The following RFX3 variants were observed in gnomAD, a reference collection of about 807,000 sequenced individuals.
The protein encoded by RFX3 is regulatory factor X3, also known as transcription factor RFX3.
RFX3 carries 14 observed loss-of-function variants against 98.6 expected under a neutral mutation model. The observed-to-expected ratio is 0.14, with a 90% confidence interval of 0.09 to 0.22. The LOEUF is 0.22. RFX3 is among the 10% of genes least tolerant of loss of function. The pLI is 1.00. For synonymous variants in RFX3, 383 were observed against 328.4 expected, an observed-to-expected ratio of 1.17 and a Z score of -1.80; for missense variants, 639 against 926.9, an observed-to-expected ratio of 0.69 and a Z score of 4.03.
intron 1 of RFX3, among the ~76,000 whole-genome samples, chr9:3,429,437 A>G (rs2132504709): frequency 6.6e-6 from 1 of 150,382 alleles, no homozygotes; most frequent in East Asian, 1.9e-4. Flanking sequence ...ATAATATAAT[A>G]TAATTGTGTG....
chr9:3,454,279 T>C (rs942556787), intron 1 of RFX3, among the ~76,000 whole-genome samples: 5 of 152,186 alleles, frequency 3.3e-5, no homozygotes, highest in Non-Finnish European at 5.9e-5. Flanking sequence ...AACACATACA[T>C]ATACACAGGC....
At chr9:3,414,258 T>C (rs1842695613) in intron 1 of RFX3, among the ~76,000 whole-genome samples, 1 of 152,136 alleles carries the variant, frequency 6.6e-6, no homozygotes, top group Non-Finnish European at 1.5e-5. Context: ...ATACTTTTAA[T>C]GTTTTCTGTA....
At chr9:3,374,700 G>A (rs937890141) in intron 2 of RFX3, among the ~76,000 whole-genome samples, 3 of 152,044 alleles carry the variant, frequency 2.0e-5, no homozygotes, top group East Asian at 3.9e-4. Flanking sequence ...GTTACCAGGG[G>A]GAAATGGGAA....
At chr9:3,289,661 C>T (rs1213455232) in intron 6 of RFX3, among the ~76,000 whole-genome samples, 1 of 152,014 alleles carries the variant, frequency 6.6e-6, no homozygotes, top group Non-Finnish European at 1.5e-5. Context: ...TACAAATTAA[C>T]ATTTTAATTG....
At chr9:3,503,946 A>T (rs1816332304) in intron 1 of RFX3, among the ~76,000 whole-genome samples, 1 of 151,454 alleles carries the variant, frequency 6.6e-6, no homozygotes, top group African/African-American at 2.4e-5. Context: ...CTATTATTGT[A>T]ATTTTTACTT....
intron 1 of RFX3, among the ~76,000 whole-genome samples, chr9:3,400,776 A>G (rs1448948114): frequency 6.6e-6 from 1 of 152,202 alleles, no homozygotes; most frequent in East Asian, 1.9e-4. Flanking sequence ...TAAGTGCTTT[A>G]AATACATTTT....
Position 3,225,014 on chromosome 9 carries a change from A to G in RFX3, c.*28T>C. 6.2e-7 allele frequency: 1 copy of G among 1,606,400 alleles called. No individual in the cohort carries two copies. The highest frequency in any genetic ancestry group is 8.5e-7 in the Non-Finnish European group (1 of 1,173,860). On this transcript the variant is annotated 3_prime_UTR_variant, in exon 17 of 17. Coordinates refer to ENST00000617270, the MANE Select transcript of RFX3 (RefSeq NM_001282116.2). ...AGCCCAATATCAACAGGGTTAATGT[A>G]AGCTGGAAAAATACGCTTTAATATT...
chr9:3,228,294 T>C (rs374372496), intron 16 of RFX3, among the ~76,000 whole-genome samples: 23 of 152,358 alleles, frequency 1.5e-4, no homozygotes, highest in African/African-American at 5.0e-4. Context: ...TTCAGAAATA[T>C]ATATCATGTT....
intron 1 of RFX3, among the ~76,000 whole-genome samples, chr9:3,514,152 G>A (rs115366394): frequency 0.016 from 2,475 of 152,116 alleles, 65 homozygotes; most frequent in African/African-American, 0.056. Flanking sequence ...ACTACACGAA[G>A]GTCATTCAAA....
chr9:3,237,488 T>A (rs1819320946), intron 15 of RFX3, among the ~76,000 whole-genome samples: 1 of 152,218 alleles, frequency 6.6e-6, no homozygotes, highest in African/African-American at 2.4e-5. Flanking sequence ...ACATTATTAC[T>A]TGGATAGTCA....
chr9:3,273,471 G>A (rs989959074), intron 9 of RFX3, among the ~76,000 whole-genome samples: 4 of 152,004 alleles, frequency 2.6e-5, no homozygotes, highest in Non-Finnish European at 5.9e-5. Flanking sequence ...CCTTATTCAG[G>A]GGAGTTTGTC....
At chr9:3,304,962 C>G (rs1364993599) in intron 4 of RFX3, among the ~76,000 whole-genome samples, 1 of 151,970 alleles carries the variant, frequency 6.6e-6, no homozygotes, top group Non-Finnish European at 1.5e-5. Flanking sequence ...GTAATGAAAA[C>G]TGTGAACTCT....
At chr9:3,420,780 T>C (rs1383636858) in intron 1 of RFX3, 1 of 984,922 alleles carries the variant, frequency 1.0e-6, no homozygotes, top group African/African-American at 1.7e-5. Context: ...TTTCCTTTAC[T>C]TCCTTACCTC....
At chr9:3,308,276 T>A (rs149848393) in intron 4 of RFX3, among the ~76,000 whole-genome samples, 50 of 152,238 alleles carry the variant, frequency 3.3e-4, no homozygotes, top group African/African-American at 1.1e-3. Flanking sequence ...CTATGGCAAC[T>A]CCTGTAAGAT....
chr9:3,447,988 A>C (rs75418379), intron 1 of RFX3, among the ~76,000 whole-genome samples: 2,362 of 152,276 alleles, frequency 0.016, 57 homozygotes, highest in African/African-American at 0.053. Context: ...ATGGGAAGAC[A>C]AGGAATCACA....
At chr9:3,377,537 T>C (rs1838683734) in intron 2 of RFX3, among the ~76,000 whole-genome samples, 1 of 152,080 alleles carries the variant, frequency 6.6e-6, no homozygotes, top group Non-Finnish European at 1.5e-5. Flanking sequence ...TGTATACATA[T>C]GTAACAAAAC....
chr9:3,260,437 C>T (rs1822726846), intron 13 of RFX3, among the ~76,000 whole-genome samples: 1 of 151,850 alleles, frequency 6.6e-6, no homozygotes, highest in East Asian at 1.9e-4. Context: ...CATTGGAATG[C>T]AGATACACAA....
chr9:3,424,101 C>A (rs182464664), intron 1 of RFX3, among the ~76,000 whole-genome samples: 1 of 149,918 alleles, frequency 6.7e-6, no homozygotes, highest in African/African-American at 2.4e-5. Context: ...GAGCTGAGAT[C>A]GCGCCACTAC....
intron 3 of RFX3, among the ~76,000 whole-genome samples, chr9:3,345,563 TTAAATA>T (rs761165197): frequency 8.5e-5 from 13 of 152,150 alleles, no homozygotes; most frequent in Non-Finnish European, 1.5e-4. Context: ...ATTAGGTACT[TTAAATA>T]TATTTCCTTG....
Sources: allele counts gnomAD v4.1 joint callset (sites outside exome capture counted in the v4.1 genomes callset), GRCh38; gene constraint gnomAD v4.1.1; transcripts MANE v1.5; gene names NCBI Gene and HGNC (gene_info 2026-07-23, HGNC 2026-07-21).